The following MGLL variants were observed in gnomAD, a reference collection of about 807,000 sequenced individuals.
MGLL encodes the protein monoglyceride lipase.
A neutral mutation model predicts 29.1 loss-of-function variants in MGLL; 7 were observed. That is an observed-to-expected ratio of 0.24 (90% confidence interval 0.14 to 0.45). The LOEUF (loss-of-function observed/expected upper bound fraction) is 0.45, where lower values mean the gene tolerates loss of function less well. Ranked by LOEUF, MGLL falls within the 20% of genes least tolerant of loss-of-function variation. The pLI is 0.99. For synonymous variants in MGLL, 148 were observed against 168.3 expected (o/e 0.88, Z 0.93); for missense variants, 356 against 413.6 (o/e 0.86, Z 1.21).
intron 3 of MGLL, among the ~76,000 whole-genome samples, chr3:127,725,891 C>T (rs2076021076): frequency 6.6e-6 from 1 of 151,928 alleles, no homozygotes; most frequent in Non-Finnish European, 1.5e-5. Flanking sequence ...TATAACAAGA[C>T]AGACCCTGTT....
chr3:127,694,945 G>T (rs773230632), intron 7 of MGLL, 30 bp downstream of exon 7: 255 of 1,606,208 alleles, frequency 1.6e-4, no homozygotes, highest in Admixed American at 8.7e-4. Flanking sequence ...CTCCACCTTG[G>T]GGGGAAGTGG....
chr3:127,756,278 G>A (rs755875596), intron 3 of MGLL, among the ~76,000 whole-genome samples: 2 of 152,120 alleles, frequency 1.3e-5, no homozygotes, highest in Non-Finnish European at 2.9e-5. Flanking sequence ...CTTGCTGACT[G>A]GGGAAATTAC....
In MGLL at chr3:127,691,769, A is replaced by T; in HGVS notation, c.*429T>A. ...ATCACACGGCCAGAGGAAGGCCACC[A>T]AGCGGAGGCTGGTCAGAGAGGGCGC... is the stretch of plus-strand genomic sequence containing the variant. On this transcript the variant is annotated 3_prime_UTR_variant, in exon 8 of 8. Coordinates refer to ENST00000265052, the MANE Select transcript of MGLL (RefSeq NM_007283.7). 2 of 227,320 alleles carry T rather than the reference A, an allele frequency of 8.8e-6. No homozygotes were observed. The highest frequency in any genetic ancestry group is 5.4e-5 in the South Asian group (1 of 18,432). The allele number at this position is 227,320 out of a possible 1,614,324, so 14.1% of individuals were successfully genotyped here.
intron 3 of MGLL, among the ~76,000 whole-genome samples, chr3:127,771,380 G>A (rs1178032856): frequency 1.3e-5 from 2 of 152,092 alleles, no homozygotes; most frequent in Non-Finnish European, 2.9e-5. Flanking sequence ...ATAGGGTCTC[G>A]CTCTGTCGCC....
chr3:127,718,764 G>A (rs2075863428), intron 5 of MGLL, among the ~76,000 whole-genome samples: 1 of 152,260 alleles, frequency 6.6e-6, no homozygotes, highest in Admixed American at 6.5e-5. Context: ...CGCCAACCGG[G>A]AGAGAGACTC....
intron 3 of MGLL, among the ~76,000 whole-genome samples, chr3:127,740,001 C>T (rs769825821): frequency 1.3e-5 from 2 of 152,210 alleles, no homozygotes; most frequent in Non-Finnish European, 2.9e-5. Flanking sequence ...GGAGCCCGCT[C>T]AGAGGCCTGC....
At chr3:127,705,242 G>A (rs2107598157) in intron 6 of MGLL, among the ~76,000 whole-genome samples, 1 of 152,132 alleles carries the variant, frequency 6.6e-6, no homozygotes, top group Non-Finnish European at 1.5e-5. Context: ...ACGGGGGGAG[G>A]GAGAGCATCA....
At position 127,694,470 on chromosome 3, in the gene MGLL, C is replaced by T. The variant is rs138857907; in HGVS notation, c.816+505G>A. On this transcript the variant is annotated intron_variant, in intron 7 of 7. Coordinates refer to ENST00000265052, the MANE Select transcript of MGLL (RefSeq NM_007283.7). ...TCTAATATTCCACATAACCAAGCCG[C>T]AGGGCCTGTCCTCAGGGCCCCTGTC... Among the ~76,000 whole-genome samples the T allele has an allele frequency of 1.5e-3, 221 of 152,004 alleles. 1 individual carries two copies. The highest frequency in any genetic ancestry group is 3.8e-3 in the Admixed American group (58 of 15,266).
At chr3:127,792,852 C>A (rs1488455166) in intron 2 of MGLL, among the ~76,000 whole-genome samples, 2 of 152,178 alleles carry the variant, frequency 1.3e-5, no homozygotes, top group South Asian at 4.1e-4. Flanking sequence ...CAAAGCTATG[C>A]GGGCCCTTGG....
intron 2 of MGLL, among the ~76,000 whole-genome samples, chr3:127,805,581 C>T (rs188005806): frequency 3.3e-4 from 51 of 152,328 alleles, no homozygotes; most frequent in Admixed American, 3.0e-3. Flanking sequence ...GCCCACCCCC[C>T]ACTAGGGTTG....
chr3:127,766,145 T>G (rs1172875390), intron 3 of MGLL, among the ~76,000 whole-genome samples: 1 of 152,130 alleles, frequency 6.6e-6, no homozygotes, highest in East Asian at 1.9e-4. Flanking sequence ...CCAAAGGTAG[T>G]CTGGGCCCTC....
At chr3:127,801,832 A>AT (rs953298065) in intron 2 of MGLL, among the ~76,000 whole-genome samples, 1 of 148,970 alleles carries the variant, frequency 6.7e-6, no homozygotes, top group Non-Finnish European at 1.5e-5. Flanking sequence ...TATATATATA[A>AT]TTTTTTTTCT....
intron 3 of MGLL, among the ~76,000 whole-genome samples, chr3:127,728,584 C>G (rs937318657): frequency 6.6e-6 from 1 of 152,180 alleles, no homozygotes; most frequent in African/African-American, 2.4e-5. Context: ...GCGTAGTACG[C>G]CCTGTGGGGG....
In MGLL at chr3:127,692,164, C is replaced by G; in HGVS notation, c.*34G>C. 6.2e-7 allele frequency: 1 copy of G among 1,606,502 alleles called. No individual in the cohort carries two copies. Among genetic ancestry groups the G allele is most frequent in the Non-Finnish European group, 8.5e-7 (1 of 1,177,016 alleles). ...TCTCTGCCCTTCCCCTGCCTGCATC[C>G]CCCAGACCATGAGCCGGGCACCGGC... On this transcript the variant is annotated 3_prime_UTR_variant, in exon 8 of 8. Coordinates refer to ENST00000265052, the MANE Select transcript of MGLL (RefSeq NM_007283.7).
chr3:127,771,171 T>G (rs1219526775), intron 3 of MGLL, among the ~76,000 whole-genome samples: 2 of 152,178 alleles, frequency 1.3e-5, no homozygotes, highest in African/African-American at 4.8e-5. Flanking sequence ...AACTGCTCAT[T>G]GCCTCAGGCA....
At chr3:127,771,086 C>T (rs1283748551) in intron 3 of MGLL, among the ~76,000 whole-genome samples, 1 of 152,172 alleles carries the variant, frequency 6.6e-6, no homozygotes, top group Non-Finnish European at 1.5e-5. Flanking sequence ...GCCCCAGAAG[C>T]CTGCTTAAAC....
intron 3 of MGLL, chr3:127,735,913 C>T: frequency 6.6e-7 from 1 of 1,524,742 alleles, no homozygotes; most frequent in Non-Finnish European, 8.8e-7. Context: ...GATGGGGCAG[C>T]TGGTCTGCAC....
At chr3:127,809,998 A>G (rs1037479090) in intron 2 of MGLL, among the ~76,000 whole-genome samples, 2 of 151,628 alleles carry the variant, frequency 1.3e-5, no homozygotes, top group African/African-American at 4.9e-5. Context: ...GTTGCTCTGA[A>G]TGGACTAGAC....
intron 5 of MGLL, among the ~76,000 whole-genome samples, chr3:127,716,441 G>A (rs1205111654): frequency 6.6e-6 from 1 of 152,226 alleles, no homozygotes; most frequent in Non-Finnish European, 1.5e-5. Flanking sequence ...ATGAGCAAAT[G>A]TCATTCAAAG....
Sources: allele counts gnomAD v4.1 joint callset (sites outside exome capture counted in the v4.1 genomes callset), GRCh38; gene constraint gnomAD v4.1.1; transcripts MANE v1.5; gene names NCBI Gene and HGNC (gene_info 2026-07-23, HGNC 2026-07-21).